The following TNFSF8 variants were observed in gnomAD, a reference collection of about 807,000 sequenced individuals.
TNFSF8 encodes tumor necrosis factor ligand superfamily member 8.
A neutral mutation model predicts 22.0 loss-of-function variants in TNFSF8; 4 were observed. That is an observed-to-expected ratio of 0.18 (90% CI 0.09 to 0.42). TNFSF8 has a LOEUF of 0.42. TNFSF8 is among the 10% of genes least tolerant of loss of function. TNFSF8 has a pLI of 1.00. For synonymous variants in TNFSF8, 106 were observed against 112.5 expected (o/e 0.94, Z 0.37); for missense variants, 233 against 281.8 (o/e 0.83, Z 1.24).
intron 1 of TNFSF8, among the ~76,000 whole-genome samples, chr9:114,921,029 T>C (rs192433765): frequency 2.6e-5 from 4 of 152,312 alleles, no homozygotes. Flanking sequence ...ACAGAACACT[T>C]TGAATAGCAC....
At chr9:114,915,983 G>T (rs568131273) in intron 2 of TNFSF8, among the ~76,000 whole-genome samples, 1 of 152,298 alleles carries the variant, frequency 6.6e-6, no homozygotes, top group African/African-American at 2.4e-5. Context: ...AATGTGATAA[G>T]TGATTTCGTC....
intron 4 of TNFSF8, among the ~76,000 whole-genome samples, chr9:114,895,777 G>C (rs952282595): frequency 6.6e-6 from 1 of 152,182 alleles, no homozygotes; most frequent in Non-Finnish European, 1.5e-5. Flanking sequence ...GCTTCCAGTT[G>C]CCAAGGCCAC....
intron 2 of TNFSF8, among the ~76,000 whole-genome samples, chr9:114,906,253 A>T (rs1452111328): frequency 6.6e-6 from 1 of 152,156 alleles, no homozygotes; most frequent in Non-Finnish European, 1.5e-5. Flanking sequence ...GGTATTATTA[A>T]GCCCCTTTTA....
At chr9:114,899,864 A>G (rs6478117), downstream of TNFSF8, among the ~76,000 whole-genome samples, 83,822 of 152,054 alleles carry the variant, frequency 0.55, 24,768 homozygotes, top group African/African-American at 0.75. Flanking sequence ...CTCGCTAGCC[A>G]TGGTTAACTC....
At chr9:114,919,594 AG>A (rs2131347844) in intron 1 of TNFSF8, among the ~76,000 whole-genome samples, 1 of 152,306 alleles carries the variant, frequency 6.6e-6, no homozygotes, top group Non-Finnish European at 1.5e-5. Context: ...TGACCTGCCC[AG>A]GTTGGAATCT....
chr9:114,904,283 T>C lies in TNFSF8; in HGVS notation c.353A>G (p.Asp118Gly). The C allele has an allele frequency of 3.7e-6, 6 of 1,613,170 alleles. No homozygotes were observed. Among genetic ancestry groups the C allele is most frequent in the Non-Finnish European group, 4.2e-6 (5 of 1,179,418 alleles). The change falls in exon 4 of 4, where the codon GAT becomes GGT. Residue 118 changes from aspartate (D) to glycine (G), a missense_variant. By Grantham distance (94) the Asp-to-Gly change is moderately conservative. Transcript: ENST00000223795. Reference protein sequence around the residue: ...LNKTKLSWNKDGILHGVRYQD... With the variant: ...LNKTKLSWNKGGILHGVRYQD... The stretch of plus-strand genomic sequence containing the variant: ...ATATCTGACTCCATGGAGAATGCCA[T>C]CTTTGTTCCAAGACAACTTGGTTTT...
downstream of TNFSF8, among the ~76,000 whole-genome samples, chr9:114,897,028 G>A (rs768050052): frequency 2.0e-5 from 3 of 151,938 alleles, no homozygotes; most frequent in African/African-American, 4.8e-5. Context: ...TCAGCCTCCC[G>A]AGTAGCTGGG....
rs1827632537 is a variant in TNFSF8 at position 114,894,099 on chromosome 9, G to A, written c.475C>T (p.Leu159Phe). Residue 159 changes from leucine (L) to phenylalanine (F), a missense_variant, in exon 5 of 5, where the codon CTT becomes TTT. Coordinates refer to the TNFSF8 transcript ENST00000618336. ...AAGGTTCAGGGTTGTAGAGTTTCAA[G>A]GCAGCAGTGTCCCTTCCCAGAGTCC... 3 of 1,535,180 alleles carry A rather than the reference G, an allele frequency of 2.0e-6. No individual in the cohort carries two copies. The Admixed American group carries it at 5.9e-5, about 30-fold the overall frequency.
chr9:114,930,310 T>C lies in TNFSF8; in HGVS notation c.-7A>G. The C allele has an allele frequency of 6.5e-7, 1 of 1,532,284 alleles. No homozygotes were observed. The highest frequency in any genetic ancestry group is 1.4e-5 in the African/African-American group (1 of 71,308). The allele number at this position is 1,532,284 out of a possible 1,614,324, so 94.9% of individuals were successfully genotyped here. A position where few individuals can be genotyped will look rare whatever the true frequency, so the allele number is the denominator to read the frequency against. On this transcript the variant is annotated 5_prime_UTR_variant, in exon 1 of 4. The change creates a new upstream start codon in the 5' untranslated region. Transcript: ENST00000223795. Reference sequence around the variant, plus strand: ...GCTGCAGCCCTGGGTCCATTCTTTATATAGTCTTCCCCACATCACACCTTA... The same window carrying C: ...GCTGCAGCCCTGGGTCCATTCTTTACATAGTCTTCCCCACATCACACCTTA...
chr9:114,923,395 T>C (rs1828012954), intron 1 of TNFSF8, among the ~76,000 whole-genome samples: 2 of 152,202 alleles, frequency 1.3e-5, no homozygotes, highest in Non-Finnish European at 2.9e-5. Context: ...CAGACAAGGA[T>C]CATTAAGAAA....
chr9:114,903,808 A>T lies in TNFSF8; in HGVS notation c.*123T>A. The T allele has an allele frequency of 6.8e-7, 1 of 1,466,544 alleles. No individual in the cohort carries two copies. The highest frequency in any genetic ancestry group is 9.0e-7 in the Non-Finnish European group (1 of 1,115,778). The allele number at this position is 1,466,544 out of a possible 1,614,324, so 90.8% of individuals were successfully genotyped here. ...CTTTCCAAGAGACAGAAGGAGAAGT[A>T]TACTATTTAATACCCTGTGTAGTTT... is the stretch of plus-strand genomic sequence containing the variant. On this transcript the variant is annotated 3_prime_UTR_variant, in exon 4 of 4. Transcript: ENST00000223795.
intron 1 of TNFSF8, among the ~76,000 whole-genome samples, chr9:114,924,907 C>T (rs71505530): frequency 1.3e-3 from 204 of 152,280 alleles, no homozygotes; most frequent in Non-Finnish European, 1.8e-3. Context: ...AGGGCTCGCT[C>T]CTGGGAAGAT....
At chr9:114,922,091 A>G (rs573326686) in intron 1 of TNFSF8, among the ~76,000 whole-genome samples, 20 of 152,288 alleles carry the variant, frequency 1.3e-4, no homozygotes, top group African/African-American at 4.6e-4. Context: ...TGTGGACATC[A>G]TAAGATATTA....
In TNFSF8 at chr9:114,903,129, C is replaced by T. The variant is rs1827737594; in HGVS notation, c.*802G>A. 1 of 152,298 alleles carries T rather than the reference C, an allele frequency of 6.6e-6. No homozygotes were observed. The highest frequency in any genetic ancestry group is 2.4e-5 in the African/African-American group (1 of 41,466). 9.4% of individuals were successfully genotyped at this position (152,298 alleles called of 1,614,324 possible). On this transcript the variant is annotated 3_prime_UTR_variant, in exon 4 of 4. Transcript: ENST00000223795. ...TAACTGTCTTGCTGTCTCTGTCTGA[C>T]TTCTTATTCCTGCCTCATGTAACCT...
chr9:114,912,140 T>A (rs1827859765), intron 2 of TNFSF8, among the ~76,000 whole-genome samples: 1 of 152,202 alleles, frequency 6.6e-6, no homozygotes, highest in African/African-American at 2.4e-5. Context: ...TCATGCAGCC[T>A]CTTTGAATTG....
intron 4 of TNFSF8, among the ~76,000 whole-genome samples, chr9:114,895,699 G>A (rs953488470): frequency 6.6e-6 from 1 of 152,154 alleles, no homozygotes; most frequent in African/African-American, 2.4e-5. Flanking sequence ...GAAAATTTAA[G>A]TTTACAAAGT....
chr9:114,920,488 C>T (rs1390629848), intron 1 of TNFSF8, among the ~76,000 whole-genome samples: 1 of 152,122 alleles, frequency 6.6e-6, no homozygotes, highest in Non-Finnish European at 1.5e-5. Context: ...ATTAAGGCAG[C>T]CATTTAAAAA....
chr9:114,913,752 C>T (rs542644417), intron 2 of TNFSF8, among the ~76,000 whole-genome samples: 16 of 152,300 alleles, frequency 1.1e-4, no homozygotes, highest in African/African-American at 9.6e-5. Context: ...TGTCTGTGCT[C>T]CAGTTTCCTT....
intron 2 of TNFSF8, among the ~76,000 whole-genome samples, chr9:114,913,090 G>T (rs1439430165): frequency 6.6e-6 from 1 of 152,160 alleles, no homozygotes; most frequent in Non-Finnish European, 1.5e-5. Context: ...GAGGGAAAGT[G>T]AATTGCTTCA....
Sources: gnomAD v4.1 joint callset for allele counts (sites outside exome capture counted in the v4.1 genomes callset) on GRCh38, gnomAD v4.1.1 for gene constraint, MANE v1.5 for transcripts, NCBI Gene and HGNC (gene_info 2026-07-23, HGNC 2026-07-21) for gene names.